Variants in EIF3H observed in about 807,000 individuals in gnomAD.
EIF3H encodes eIF-3-gamma.
EIF3H carries 26 observed loss-of-function variants against 44.2 expected under a neutral mutation model. The ratio of observed to expected loss-of-function variants is 0.59; its 90% CI spans 0.43 to 0.82. EIF3H has a LOEUF of 0.82. EIF3H is among the 40% of genes least tolerant of loss of function. The pLI is 0.00. For missense variants in EIF3H, 359 were observed against 432.8 expected, an observed-to-expected ratio of 0.83 and a Z score of 1.51; for synonymous variants, 166 against 151.9, an observed-to-expected ratio of 1.09 and a Z score of -0.68.
chr8:116,672,394 G>C (rs2130819636), intron 2 of EIF3H, among the ~76,000 whole-genome samples: 1 of 152,348 alleles, frequency 6.6e-6, no homozygotes, highest in East Asian at 1.9e-4. Flanking sequence ...GGAAGGCTAA[G>C]GCGGGAGGAC....
rs899088931 is a variant in EIF3H, at chr8:116,731,209, A to G, written c.133-5037T>C. ...TACTCATTCCCAGCTGAGCAAAATC[A>G]CCTAAAGAGCTTTTTTTAGATAAAT... On this transcript the variant is annotated intron_variant, in intron 1 of 7. Coordinates refer to ENST00000521861, the MANE Select transcript of EIF3H (RefSeq NM_003756.3). Among the ~76,000 whole-genome samples the G allele has an allele frequency of 6.6e-5, 10 of 152,286 alleles. No individual in the cohort carries two copies. The Middle Eastern group carries it at 0.01, about 155-fold the overall frequency.
chr8:116,646,898 A>C (rs1295855572), intron 6 of EIF3H, among the ~76,000 whole-genome samples: 1 of 152,188 alleles, frequency 6.6e-6, no homozygotes, highest in East Asian at 1.9e-4. Context: ...GAAGCTCATG[A>C]CTAGTAAGGT....
intron 2 of EIF3H, among the ~76,000 whole-genome samples, chr8:116,686,404 C>T (rs1007885669): frequency 1.3e-5 from 2 of 152,098 alleles, no homozygotes; most frequent in African/African-American, 4.8e-5. Context: ...TCTACAAACC[C>T]TGGAGACCAA....
rs1813555794 is a variant in EIF3H, at chr8:116,659,885, A to T, written c.290-905T>A. Among the ~76,000 whole-genome samples, 4 of 152,118 alleles carry T rather than the reference A, an allele frequency of 2.6e-5. No homozygotes were observed. The South Asian group carries it at 8.3e-4, about 32-fold the overall frequency. Reference sequence around the variant, plus strand: ...TAATAGCCATGCTATTTCTATTATTATTTATTATTATTATTATTGACACAG... The same window carrying T: ...TAATAGCCATGCTATTTCTATTATTTTTTATTATTATTATTATTGACACAG... On this transcript the variant is annotated intron_variant, in intron 2 of 7. Coordinates refer to ENST00000521861, the MANE Select transcript of EIF3H (RefSeq NM_003756.3).
chr8:116,722,071 C>T (rs1161561433), intron 2 of EIF3H, among the ~76,000 whole-genome samples: 5 of 152,146 alleles, frequency 3.3e-5, no homozygotes, highest in Admixed American at 6.5e-5. Context: ...GCTGTGTTGC[C>T]ACCCAAATCT....
exon 1 of EIF3H, chr8:116,765,564 G>T (rs968084829): frequency 1.3e-5 from 2 of 152,166 alleles, no homozygotes; most frequent in African/African-American, 4.8e-5. Flanking sequence ...GAAATTTTCT[G>T]ATTCATTCTC....
intron 1 of EIF3H, among the ~76,000 whole-genome samples, chr8:116,749,964 C>T (rs1274646487): frequency 6.6e-6 from 1 of 152,274 alleles, no homozygotes; most frequent in Non-Finnish European, 1.5e-5. Context: ...TATCAATGTG[C>T]CAGGAAGGAA....
chr8:116,748,299 A>G (rs1421299922), intron 1 of EIF3H, among the ~76,000 whole-genome samples: 2 of 152,372 alleles, frequency 1.3e-5, no homozygotes, highest in East Asian at 3.9e-4. Flanking sequence ...GGATCACAAC[A>G]TCTAAAATTT....
intron 2 of EIF3H, 38 bp downstream of exon 2, chr8:116,725,978 A>C: frequency 6.3e-7 from 1 of 1,594,772 alleles, no homozygotes; most frequent in Non-Finnish European, 8.6e-7. Flanking sequence ...ATCCATTTGT[A>C]TGCACTGCAA....
At chr8:116,721,290 G>A (rs1219596138) in intron 2 of EIF3H, among the ~76,000 whole-genome samples, 2 of 152,244 alleles carry the variant, frequency 1.3e-5, no homozygotes, top group Non-Finnish European at 2.9e-5. Context: ...TGTTGAGCCT[G>A]CTGGTGCCCA....
intron 1 of EIF3H, among the ~76,000 whole-genome samples, chr8:116,743,796 ATAAACACACACAC>A (rs573167856): frequency 4.2e-4 from 42 of 98,958 alleles, no homozygotes; most frequent in Admixed American, 1.8e-3. Flanking sequence ...ATATATATAT[ATAAACACACACAC>A]ACACACACAC....
intron 2 of EIF3H, among the ~76,000 whole-genome samples, chr8:116,692,275 G>A (rs551579308): frequency 6.6e-6 from 1 of 152,264 alleles, no homozygotes; most frequent in Admixed American, 6.5e-5. Context: ...AGAAGAAACT[G>A]GGAGAAAAGA....
At chr8:116,664,973 A>G (rs1438129834) in intron 2 of EIF3H, among the ~76,000 whole-genome samples, 2 of 152,156 alleles carry the variant, frequency 1.3e-5, no homozygotes, top group African/African-American at 2.4e-5. Flanking sequence ...TGTTCCACAT[A>G]TGTTATCTAA....
chr8:116,698,777 T>C (rs2130875745), intron 2 of EIF3H, among the ~76,000 whole-genome samples: 1 of 149,082 alleles, frequency 6.7e-6, no homozygotes, highest in African/African-American at 2.4e-5. Context: ...TTTAAGATGA[T>C]TTTTTTTTCT....
At chr8:116,755,276 G>A (rs1004148952) in intron 1 of EIF3H, among the ~76,000 whole-genome samples, 3 of 152,180 alleles carry the variant, frequency 2.0e-5, no homozygotes, top group African/African-American at 4.8e-5. Context: ...TCAGATCCCA[G>A]CAGGGAATCA....
intron 7 of EIF3H, 148 bp downstream of exon 7, chr8:116,646,323 A>G: frequency 2.6e-6 from 3 of 1,161,762 alleles, no homozygotes; most frequent in Non-Finnish European, 3.7e-6. Context: ...GATTTCAGAT[A>G]TTACAGGTGC....
chr8:116,661,271 G>T (rs903787572), intron 2 of EIF3H, among the ~76,000 whole-genome samples: 1 of 152,146 alleles, frequency 6.6e-6, no homozygotes, highest in African/African-American at 2.4e-5. Context: ...GGAAAGGGAA[G>T]AGGAGAGATT....
chr8:116,673,064 G>C (rs1489163999), intron 2 of EIF3H, among the ~76,000 whole-genome samples: 1 of 146,836 alleles, frequency 6.8e-6, no homozygotes, highest in African/African-American at 2.5e-5. Context: ...CAGGGACAAA[G>C]ATGATTTGTA....
At chr8:116,719,345 TTC>T (rs1457778041) in intron 2 of EIF3H, among the ~76,000 whole-genome samples, 2 of 152,198 alleles carry the variant, frequency 1.3e-5, no homozygotes, top group Admixed American at 6.5e-5. Context: ...TCTCACCAAC[TTC>T]TTAGAGAAAC....
Sources: allele counts gnomAD v4.1 joint callset (sites outside exome capture counted in the v4.1 genomes callset), GRCh38; gene constraint gnomAD v4.1.1; transcripts MANE v1.5; gene names NCBI Gene and HGNC (gene_info 2026-07-23, HGNC 2026-07-21).